The following RAPGEF5 variants were observed in gnomAD, a reference collection of about 807,000 sequenced individuals.
RAPGEF5 encodes M-Ras-regulated GEF.
In RAPGEF5, 65 loss-of-function variants were observed where a neutral mutation model predicts 125.2. The observed-to-expected ratio is 0.52, with a 90% CI of 0.43 to 0.64. The LOEUF is 0.64. Among genes scored for constraint, RAPGEF5 ranks in the 30% least tolerant of loss-of-function variants. RAPGEF5 has a pLI of 0.00. For missense variants in RAPGEF5, 958 were observed against 1,048.1 expected (o/e 0.91, Z 1.19); for synonymous variants, 391 against 385.9 (o/e 1.01, Z -0.16).
chr7:22,332,624 A>C, intron 1 of RAPGEF5, among the ~76,000 whole-genome samples: 1 of 152,210 alleles, frequency 6.6e-6, no homozygotes, highest in East Asian at 1.9e-4. Context: ...ATTATGGACG[A>C]GATTTGACAC....
intron 1 of RAPGEF5, among the ~76,000 whole-genome samples, chr7:22,343,884 G>A (rs962338639): frequency 5.9e-5 from 9 of 152,058 alleles, no homozygotes; most frequent in Admixed American, 1.3e-4. Context: ...ATAAGCTGAC[G>A]ATGCTGAGGG....
At chr7:22,219,195 G>A (rs1217631117) in intron 9 of RAPGEF5, among the ~76,000 whole-genome samples, 1 of 152,030 alleles carries the variant, frequency 6.6e-6, no homozygotes, top group Non-Finnish European at 1.5e-5. Context: ...ACAATGTGTG[G>A]CACAAGAAAG....
At chr7:22,187,795 T>C (rs967257728) in intron 11 of RAPGEF5, among the ~76,000 whole-genome samples, 1 of 152,256 alleles carries the variant, frequency 6.6e-6, no homozygotes, top group African/African-American at 2.4e-5. Context: ...ACTCTCTGTA[T>C]ATCTATAACC....
chr7:22,123,463 C>A (rs1782644991), intron 25 of RAPGEF5, among the ~76,000 whole-genome samples: 1 of 152,196 alleles, frequency 6.6e-6, no homozygotes, highest in Admixed American at 6.5e-5. Flanking sequence ...ATGCATGGGA[C>A]AGGCAGGGTG....
At chr7:22,182,592 T>C (rs1004188595) in intron 11 of RAPGEF5, among the ~76,000 whole-genome samples, 1 of 152,198 alleles carries the variant, frequency 6.6e-6, no homozygotes, top group Non-Finnish European at 1.5e-5. Context: ...CGAAACTTCC[T>C]GAGAAAATAT....
intron 6 of RAPGEF5, among the ~76,000 whole-genome samples, chr7:22,286,435 G>T (rs185596663): frequency 2.4e-4 from 36 of 152,342 alleles, no homozygotes; most frequent in Middle Eastern, 3.4e-3. Flanking sequence ...AAACCCAGAT[G>T]AGATGTTTGT....
chr7:22,251,702 C>G (rs1786624157), intron 7 of RAPGEF5, among the ~76,000 whole-genome samples: 1 of 138,852 alleles, frequency 7.2e-6, no homozygotes, highest in South Asian at 2.3e-4. Flanking sequence ...AAAAACCTGT[C>G]CACATTGGGA....
chr7:22,231,374 A>G (rs1198801927), intron 7 of RAPGEF5, among the ~76,000 whole-genome samples: 2 of 152,140 alleles, frequency 1.3e-5, no homozygotes, highest in African/African-American at 2.4e-5. Context: ...ACAAAATTCC[A>G]TATTGTGGAG....
At chr7:22,277,118 TTTTCAGACTTTAC>T (rs1462841383) in intron 6 of RAPGEF5, among the ~76,000 whole-genome samples, 4 of 152,342 alleles carry the variant, frequency 2.6e-5, no homozygotes, top group Middle Eastern at 3.4e-3. Flanking sequence ...TTAAAGTGCT[TTTTCAGACTTTAC>T]TTTCAGACTT....
chr7:22,251,657 C>T (rs1325471978), intron 7 of RAPGEF5, among the ~76,000 whole-genome samples: 1 of 151,540 alleles, frequency 6.6e-6, no homozygotes, highest in Non-Finnish European at 1.5e-5. Flanking sequence ...ATCACTAACC[C>T]AGCAGGGTGA....
chr7:22,308,338 C>A lies in RAPGEF5; in HGVS notation c.680+1G>T. 6.3e-7 allele frequency: 1 copy of A among 1,582,408 alleles called. No individual in the cohort carries two copies. Among genetic ancestry groups the A allele is most frequent in the Non-Finnish European group, 8.6e-7 (1 of 1,162,926 alleles). On this transcript the variant is annotated splice_donor_variant, in intron 5 of 25. Coordinates refer to ENST00000665637, the MANE Select transcript of RAPGEF5 (RefSeq NM_012294.5). LOFTEE classifies it high-confidence loss of function. Reference sequence around the variant, plus strand: ...AATGGCACAAGAGAGCATCTACTTACAGTTCACAGATGCCACCTCTGGCAG... The same window carrying A: ...AATGGCACAAGAGAGCATCTACTTAAAGTTCACAGATGCCACCTCTGGCAG...
rs115670211 is a variant in RAPGEF5 at position 22,342,171 on chromosome 7, T to C, written c.231+14659A>G. 4.3e-3 allele frequency among the ~76,000 whole-genome samples: 651 copies of C among 152,322 alleles called. 4 individuals carry two copies. The highest frequency in any genetic ancestry group is 0.015 in the African/African-American group (609 of 41,562). On this transcript the variant is annotated intron_variant, in intron 1 of 25. Coordinates refer to ENST00000665637, the MANE Select transcript of RAPGEF5 (RefSeq NM_012294.5). ...TCACAGACTCAACACAACGTGGAAG[T>C]TGCCAAAGCTTGGAGCTTCCACCCT...
At chr7:22,166,307 T>C (rs1445884925) in intron 12 of RAPGEF5, among the ~76,000 whole-genome samples, 1 of 152,020 alleles carries the variant, frequency 6.6e-6, no homozygotes, top group Admixed American at 6.6e-5. Flanking sequence ...TAGAGTGGAA[T>C]CTTCAGTTTC....
At chr7:22,149,650 C>T (rs888515057) in intron 18 of RAPGEF5, among the ~76,000 whole-genome samples, 2 of 152,108 alleles carry the variant, frequency 1.3e-5, no homozygotes, top group Non-Finnish European at 2.9e-5. Flanking sequence ...CGTCCCATCA[C>T]CATGACCCCG....
chr7:22,224,496 C>G (rs570406060), intron 8 of RAPGEF5, among the ~76,000 whole-genome samples: 4 of 152,272 alleles, frequency 2.6e-5, no homozygotes, highest in Admixed American at 2.0e-4. Flanking sequence ...ATACACTGTC[C>G]TGGCGGTGGA....
intron 1 of RAPGEF5, among the ~76,000 whole-genome samples, chr7:22,352,551 A>G (rs1031160269): frequency 6.6e-6 from 1 of 152,218 alleles, no homozygotes; most frequent in East Asian, 1.9e-4. Context: ...TTTACTGGCC[A>G]TTTAAAAAGT....
In RAPGEF5 at chr7:22,146,953, C is replaced by A; in HGVS notation, c.1951G>T (p.Asp651Tyr). The A allele has an allele frequency of 6.2e-7, 1 of 1,613,722 alleles. No homozygotes were observed. The highest frequency in any genetic ancestry group is 8.5e-7 in the Non-Finnish European group (1 of 1,179,758). The change falls in exon 19 of 26, where the codon GAT becomes TAT. Residue 651 changes from aspartate to tyrosine, a missense_variant. Asp to Tyr is a radical substitution (Grantham distance 160, BLOSUM62 -3). Coordinates refer to ENST00000665637, the MANE Select transcript of RAPGEF5 (RefSeq NM_012294.5). ...AAATTCATTAATTCCAGAGCAAGATCCCAAGTGTTCATTCCCAAAATCCTC... is the reference window on the plus strand; with the variant it reads ...AAATTCATTAATTCCAGAGCAAGATACCAAGTGTTCATTCCCAAAATCCTC... ...SMRILGMNTW[D>Y]LALELMNFDW... is the part of the protein sequence containing the mutation.
chr7:22,304,030 G>C (rs1309210049), intron 5 of RAPGEF5, among the ~76,000 whole-genome samples: 1 of 152,228 alleles, frequency 6.6e-6, no homozygotes, highest in African/African-American at 2.4e-5. Flanking sequence ...TACTGGGACA[G>C]AGCAACTGAA....
intron 24 of RAPGEF5, among the ~76,000 whole-genome samples, chr7:22,129,276 AC>A (rs1247912326): frequency 6.6e-6 from 1 of 152,178 alleles, no homozygotes; most frequent in Non-Finnish European, 1.5e-5. Flanking sequence ...GCCCTCAACA[AC>A]AGGCAACAGC....
Sources: allele counts gnomAD v4.1 joint callset (sites outside exome capture counted in the v4.1 genomes callset), GRCh38; gene constraint gnomAD v4.1.1; transcripts MANE v1.5; gene names NCBI Gene and HGNC (gene_info 2026-07-23, HGNC 2026-07-21).